Variants in SORBS2 observed in about 807,000 individuals in gnomAD.
SORBS2 encodes sorbin and SH3 domain-containing protein 2.
In SORBS2, 46 loss-of-function variants were observed where a neutral mutation model predicts 97.7. The ratio of observed to expected loss-of-function variants is 0.47; its 90% CI spans 0.37 to 0.60. SORBS2 has a LOEUF of 0.60. Ranked by LOEUF, SORBS2 falls within the 20% of genes least tolerant of loss-of-function variation. The pLI, the probability that SORBS2 is intolerant of heterozygous loss-of-function variation, is 0.00. For synonymous variants in SORBS2, 476 were observed against 473.4 expected (o/e 1.01, Z -0.07); for missense variants, 1,316 against 1,282.3 (o/e 1.03, Z -0.40).
intron 2 of SORBS2, among the ~76,000 whole-genome samples, chr4:185,735,618 A>G (rs1241929682): frequency 6.6e-6 from 1 of 152,036 alleles, no homozygotes; most frequent in Non-Finnish European, 1.5e-5. Flanking sequence ...CTCATTGAAA[A>G]TGCATCTGTT....
chr4:185,740,989 T>TAACTAGGACCAGCACC (rs1282624740), intron 2 of SORBS2, among the ~76,000 whole-genome samples: 2 of 149,808 alleles, frequency 1.3e-5, no homozygotes, highest in Non-Finnish European at 3.0e-5. Flanking sequence ...AAACCAGCAC[T>TAACTAGGACCAGCACC]AACTCGGACC....
rs397695201 is a variant in SORBS2 at position 185,608,998 on chromosome 4, CT to C, written c.2796+2781del. Among the ~76,000 whole-genome samples the C allele has an allele frequency of 5.0e-3, 743 of 148,386 alleles. 4 individuals are homozygous for C. The highest frequency in any genetic ancestry group is 6.9e-3 in the Middle Eastern group (2 of 290). ...TGGGGTATTAATTAGATTTATTTAGCTTTTTTTTTTTAAGTCATCTTATCGT... is the reference window on the plus strand; with the variant it reads ...TGGGGTATTAATTAGATTTATTTAGCTTTTTTTTTTAAGTCATCTTATCGT... On this transcript the variant is annotated intron_variant, in intron 12 of 14. Coordinates refer to ENST00000418609, the Ensembl canonical transcript of SORBS2.
At chr4:185,593,260 A>G (rs1303885366) in intron 13 of SORBS2, 2 of 152,366 alleles carry the variant, frequency 1.3e-5, no homozygotes, top group African/African-American at 2.4e-5. Context: ...GGCCCGAAAA[A>G]GAAACACACA....
chr4:185,675,232 G>A (rs1356240632), intron 4 of SORBS2: 1 of 152,224 alleles, frequency 6.6e-6, no homozygotes, highest in Non-Finnish European at 1.5e-5. Flanking sequence ...AAGCAAACCA[G>A]GTTGGATGAG....
At chr4:185,654,628 C>G (rs2097366091) in intron 1 of SORBS2, among the ~76,000 whole-genome samples, 1 of 152,200 alleles carries the variant, frequency 6.6e-6, no homozygotes, top group Non-Finnish European at 1.5e-5. Flanking sequence ...TACGAAAACT[C>G]TATGTCCCTT....
intron 1 of SORBS2, among the ~76,000 whole-genome samples, chr4:185,810,143 C>T (rs1450811044): frequency 6.6e-6 from 1 of 152,226 alleles, no homozygotes; most frequent in Non-Finnish European, 1.5e-5. Flanking sequence ...ATTTTATCCC[C>T]TACAACCCGC....
Position 185,587,437 on chromosome 4 carries a change from C to G in SORBS2, c.*190G>C, listed in dbSNP as rs1183291527. Reference sequence around the variant, plus strand: ...AATCCACACTTTCACGGAGGGGGACCAGCCTGCCATGTCGTCCCCAGGCTC... The same window carrying G: ...AATCCACACTTTCACGGAGGGGGACGAGCCTGCCATGTCGTCCCCAGGCTC... On this transcript the variant is annotated 3_prime_UTR_variant, in exon 15 of 15. Coordinates refer to ENST00000418609, the Ensembl canonical transcript of SORBS2. 2.2e-5 allele frequency: 13 copies of G among 594,932 alleles called. No individual in the cohort carries two copies. In the East Asian group the frequency reaches 3.7e-4, roughly 17 times the overall value. The allele number at this position is 594,932 out of a possible 1,614,324, so 36.9% of individuals were successfully genotyped here. A position where few individuals can be genotyped will look rare whatever the true frequency, so the allele number is the denominator to read the frequency against.
chr4:185,589,668 A>G lies in SORBS2; in HGVS notation c.2953+11T>C, dbSNP rs758751965. Reference sequence around the variant, plus strand: ...AATAGCCGAAGGTGCCTGAGGAAGAAGCGCACATACCCACAAACCAGCCGT... The same window carrying G: ...AATAGCCGAAGGTGCCTGAGGAAGAGGCGCACATACCCACAAACCAGCCGT... On this transcript the variant is annotated intron_variant, in intron 14 of 14. Transcript: ENST00000418609. 17 of 1,513,432 alleles carry G rather than the reference A, an allele frequency of 1.1e-5. No homozygotes were observed. Among genetic ancestry groups the G allele is most frequent in the Non-Finnish European group, 1.3e-5 (14 of 1,088,590 alleles). 93.8% of individuals were successfully genotyped at this position (1,513,432 alleles called of 1,614,324 possible). A position where few individuals can be genotyped will look rare whatever the true frequency, so the allele number is the denominator to read the frequency against.
intron 1 of SORBS2, among the ~76,000 whole-genome samples, chr4:185,824,682 C>T (rs1194728665): frequency 6.7e-6 from 1 of 148,838 alleles, no homozygotes; most frequent in Non-Finnish European, 1.5e-5. Context: ...TCTCTGGATG[C>T]TTTTTTTTTT....
At chr4:185,890,261 A>G (rs1376837587) in intron 1 of SORBS2, among the ~76,000 whole-genome samples, 2 of 152,152 alleles carry the variant, frequency 1.3e-5, no homozygotes, top group African/African-American at 4.8e-5. Context: ...CCCATTTTCT[A>G]TTGAATCAAG....
At chr4:185,908,344 T>C (rs1030733700) in intron 1 of SORBS2, among the ~76,000 whole-genome samples, 2 of 145,804 alleles carry the variant, frequency 1.4e-5, no homozygotes, top group Admixed American at 6.9e-5. Flanking sequence ...CAAATATATA[T>C]ATATACACAT....
intron 9 of SORBS2, among the ~76,000 whole-genome samples, chr4:185,618,371 C>T (rs1206993337): frequency 6.6e-6 from 1 of 152,184 alleles, no homozygotes; most frequent in Non-Finnish European, 1.5e-5. Context: ...TCATTGTGTT[C>T]TACCTAACAT....
exon 7 of SORBS2, chr4:185,622,939 G>A (rs2096741524): frequency 1.2e-6 from 2 of 1,612,428 alleles, no homozygotes; most frequent in African/African-American, 1.3e-5. Flanking sequence ...CACGGTCTTG[G>A]TGGTGGCAGC....
intron 1 of SORBS2, among the ~76,000 whole-genome samples, chr4:185,935,629 A>G (rs147830106): frequency 6.6e-6 from 1 of 152,340 alleles, no homozygotes; most frequent in East Asian, 1.9e-4. Flanking sequence ...AACTTTAACT[A>G]GGGTATTGAT....
At chr4:185,819,321 T>C (rs957296993) in intron 1 of SORBS2, among the ~76,000 whole-genome samples, 1 of 152,324 alleles carries the variant, frequency 6.6e-6, no homozygotes, top group Admixed American at 6.5e-5. Context: ...AATGGCTACT[T>C]GTGCTCCAGC....
intron 1 of SORBS2, among the ~76,000 whole-genome samples, chr4:185,808,471 G>C (rs925994070): frequency 3.3e-5 from 5 of 152,040 alleles, no homozygotes; most frequent in African/African-American, 7.2e-5. Flanking sequence ...TCATAAAAAG[G>C]CTACTGAAAT....
At chr4:185,688,491 TTG>T in intron 2 of SORBS2, among the ~76,000 whole-genome samples, 1 of 141,244 alleles carries the variant, frequency 7.1e-6, no homozygotes, top group South Asian at 2.3e-4. Context: ...TATCTGTCTA[TTG>T]ATAGATAGAT....
chr4:185,899,801 T>C lies in SORBS2; in HGVS notation c.-338+56395A>G, dbSNP rs573827300. ...ATACCTTCAGGCTTCGCACGTTCTTTACAGTCATAAGCACTCAGCAAATGG... is the reference window on the plus strand; with the variant it reads ...ATACCTTCAGGCTTCGCACGTTCTTCACAGTCATAAGCACTCAGCAAATGG... On this transcript the variant is annotated intron_variant, in intron 1 of 20. Coordinates refer to the SORBS2 transcript ENST00000284776. 3.7e-4 allele frequency among the ~76,000 whole-genome samples: 57 copies of C among 152,326 alleles called. 1 individual carries two copies. In the South Asian group the frequency reaches 6.4e-3, roughly 17 times the overall value.
chr4:185,921,169 G>A (rs115051747), intron 1 of SORBS2, among the ~76,000 whole-genome samples: 3 of 152,300 alleles, frequency 2.0e-5, no homozygotes, highest in East Asian at 3.9e-4. Context: ...AATTTTCCAT[G>A]GTTCCCATTC....
Sources: allele counts gnomAD v4.1 joint callset (sites outside exome capture counted in the v4.1 genomes callset), GRCh38; gene constraint gnomAD v4.1.1; transcripts MANE v1.5; gene names NCBI Gene and HGNC (gene_info 2026-07-23, HGNC 2026-07-21).